HPSE2: variants seen among roughly 807,000 people sequenced by gnomAD.
HPSE2 encodes the protein heparanase 2 (inactive), also known as inactive heparanase-2.
Under a neutral mutation model 60.5 loss-of-function variants are expected in HPSE2, and 38 were observed. The observed-to-expected ratio is 0.63, with a 90% CI of 0.48 to 0.82. The LOEUF (loss-of-function observed/expected upper bound fraction) is 0.82. HPSE2 is among the 40% of genes least tolerant of loss of function. The pLI, the probability that HPSE2 is intolerant of heterozygous loss-of-function variation, is 0.00. For missense variants in HPSE2, 713 were observed against 740.4 expected (o/e 0.96, Z 0.43); for synonymous variants, 295 against 293.2 (o/e 1.01, Z -0.06).
intron 3 of HPSE2, among the ~76,000 whole-genome samples, chr10:99,123,339 AC>A (rs1845033174): frequency 6.6e-6 from 1 of 152,224 alleles, no homozygotes; most frequent in Admixed American, 6.5e-5. Flanking sequence ...TCACCAATAA[AC>A]AGGTTAAAAT....
At chr10:99,235,923 C>T (rs1322485599), upstream of HPSE2, 3 of 752,530 alleles carry the variant, frequency 4.0e-6, no homozygotes, top group Non-Finnish European at 7.1e-6. Flanking sequence ...CCCACCACCC[C>T]CCCAACACAC....
intron 3 of HPSE2, among the ~76,000 whole-genome samples, chr10:99,113,085 T>C (rs919829095): frequency 3.3e-5 from 5 of 152,172 alleles, no homozygotes; most frequent in African/African-American, 1.2e-4. Flanking sequence ...ATGAGCTTAT[T>C]TATGGAAGTT....
intron 9 of HPSE2, among the ~76,000 whole-genome samples, chr10:98,522,690 CT>C (rs573857921): frequency 7.0e-4 from 106 of 152,278 alleles, no homozygotes; most frequent in Admixed American, 2.9e-3. Flanking sequence ...ATTGGCCAGG[CT>C]GGTTTCAAAC....
intron 3 of HPSE2, among the ~76,000 whole-genome samples, chr10:99,058,439 G>A (rs1958162782): frequency 6.6e-6 from 1 of 152,056 alleles, no homozygotes; most frequent in Non-Finnish European, 1.5e-5. Context: ...AACGTTTCCT[G>A]TACCAAGGAG....
At chr10:98,507,100 GT>G (rs1471312182) in intron 9 of HPSE2, among the ~76,000 whole-genome samples, 1 of 152,216 alleles carries the variant, frequency 6.6e-6, no homozygotes, top group East Asian at 1.9e-4. Flanking sequence ...GTGTGTTTAT[GT>G]GTATACGAAT....
At chr10:98,797,426 A>G (rs1031901496) in intron 3 of HPSE2, among the ~76,000 whole-genome samples, 1 of 152,240 alleles carries the variant, frequency 6.6e-6, no homozygotes, top group Non-Finnish European at 1.5e-5. Context: ...ATTTGAAAAC[A>G]TACAGTCAGA....
At chr10:98,985,944 A>C (rs1956333396) in intron 3 of HPSE2, among the ~76,000 whole-genome samples, 1 of 152,208 alleles carries the variant, frequency 6.6e-6, no homozygotes, top group Non-Finnish European at 1.5e-5. Context: ...AGAGCTAACT[A>C]TCCTAAATAT....
In HPSE2 at chr10:99,153,158, A is replaced by G. The variant is rs868280732; in HGVS notation, c.449-8759T>C. 4.6e-3 allele frequency among the ~76,000 whole-genome samples: 703 copies of G among 152,138 alleles called. 4 individuals are homozygous for G. Among genetic ancestry groups the G allele is most frequent in the African/African-American group, 0.016 (669 of 41,554 alleles). ...GCAGTCTGAGATCAAACTGCAAGGC[A>G]GCAGCGAGGCTGGGGGAGGGGCGCC... is the stretch of plus-strand genomic sequence containing the variant. On this transcript the variant is annotated intron_variant, in intron 2 of 11. Transcript: ENST00000370552.
At chr10:98,873,717 T>C (rs1952794487) in intron 3 of HPSE2, among the ~76,000 whole-genome samples, 1 of 152,132 alleles carries the variant, frequency 6.6e-6, no homozygotes, top group Admixed American at 6.6e-5. Context: ...TTCTATTCTT[T>C]TGGGTATATA....
At chr10:99,121,879 G>C (rs1298939359) in intron 3 of HPSE2, among the ~76,000 whole-genome samples, 1 of 151,992 alleles carries the variant, frequency 6.6e-6, no homozygotes, top group Non-Finnish European at 1.5e-5. Flanking sequence ...AACCATGAGA[G>C]CTATCAACAG....
At chr10:99,001,612 G>C (rs979999268) in intron 3 of HPSE2, among the ~76,000 whole-genome samples, 7 of 152,014 alleles carry the variant, frequency 4.6e-5, no homozygotes, top group African/African-American at 1.7e-4. Context: ...ACTACTGACA[G>C]AAAAGATACT....
intron 3 of HPSE2, among the ~76,000 whole-genome samples, chr10:99,116,187 A>G (rs1844682234): frequency 6.6e-6 from 1 of 151,840 alleles, no homozygotes; most frequent in South Asian, 2.1e-4. Flanking sequence ...ATCCTTACGT[A>G]CATCCTAGAT....
At chr10:98,761,738 C>T (rs904956833) in intron 3 of HPSE2, among the ~76,000 whole-genome samples, 1 of 152,060 alleles carries the variant, frequency 6.6e-6, no homozygotes, top group Admixed American at 6.6e-5. Context: ...CAGTAGCAAG[C>T]GGACTGGGGA....
At chr10:98,508,752 CA>C (rs1462042925) in intron 9 of HPSE2, among the ~76,000 whole-genome samples, 7 of 152,052 alleles carry the variant, frequency 4.6e-5, no homozygotes, top group Non-Finnish European at 1.0e-4. Flanking sequence ...ACAGAAAGAG[CA>C]TACGCAAATA....
intron 9 of HPSE2, among the ~76,000 whole-genome samples, chr10:98,551,020 C>T (rs1943849335): frequency 6.6e-6 from 1 of 152,008 alleles, no homozygotes; most frequent in South Asian, 2.1e-4. Flanking sequence ...AGGCATCAAA[C>T]AGTATAGCAC....
intron 3 of HPSE2, among the ~76,000 whole-genome samples, chr10:98,987,855 C>A (rs1956408164): frequency 6.6e-6 from 1 of 151,848 alleles, no homozygotes; most frequent in Non-Finnish European, 1.5e-5. Flanking sequence ...CAATAACAGA[C>A]AAACAGAGAG....
At chr10:98,985,725 G>C (rs921861872) in intron 3 of HPSE2, among the ~76,000 whole-genome samples, 1 of 152,166 alleles carries the variant, frequency 6.6e-6, no homozygotes, top group East Asian at 1.9e-4. Context: ...ACACCCATCA[G>C]TGTGCTATAT....
chr10:98,988,050 G>A (rs1446522607), intron 3 of HPSE2, among the ~76,000 whole-genome samples: 3 of 152,114 alleles, frequency 2.0e-5, no homozygotes, highest in Admixed American at 1.3e-4. Context: ...AATCAATATC[G>A]TGAAAATGGC....
chr10:98,992,433 C>T (rs984403367), intron 3 of HPSE2, among the ~76,000 whole-genome samples: 1 of 152,092 alleles, frequency 6.6e-6, no homozygotes, highest in East Asian at 1.9e-4. Context: ...TATGTTGCTG[C>T]TAATCATTTA....
Sources: gnomAD v4.1 joint callset for allele counts (sites outside exome capture counted in the v4.1 genomes callset) on GRCh38, gnomAD v4.1.1 for gene constraint, MANE v1.5 for transcripts, NCBI Gene and HGNC (gene_info 2026-07-23, HGNC 2026-07-21) for gene names.